Variants in CLSTN2 observed in about 807,000 individuals in gnomAD.
The protein encoded by CLSTN2 is calsyntenin-2.
Under a neutral mutation model 101.2 loss-of-function variants are expected in CLSTN2, and 48 were observed. The ratio of observed to expected loss-of-function variants is 0.47; its 90% confidence interval spans 0.38 to 0.60. The LOEUF (loss-of-function observed/expected upper bound fraction) is 0.60. Ranked by LOEUF, CLSTN2 falls within the 20% of genes least tolerant of loss-of-function variation. The pLI is 0.00. For synonymous variants in CLSTN2, 481 were observed against 463.6 expected (o/e 1.04, Z -0.48); for missense variants, 1,160 against 1,238.2 (o/e 0.94, Z 0.95).
chr3:140,008,460 G>A (rs2007003126), intron 1 of CLSTN2, among the ~76,000 whole-genome samples: 1 of 152,250 alleles, frequency 6.6e-6, no homozygotes, highest in African/African-American at 2.4e-5. Flanking sequence ...CCTGGTAGGT[G>A]AGACAAGCCC....
At chr3:139,942,603 C>T (rs1450876148) in intron 1 of CLSTN2, among the ~76,000 whole-genome samples, 1 of 152,140 alleles carries the variant, frequency 6.6e-6, no homozygotes, top group Non-Finnish European at 1.5e-5. Context: ...AGCAGATAAC[C>T]AGACTGTTGA....
chr3:140,018,991 A>G (rs560384724), intron 1 of CLSTN2, among the ~76,000 whole-genome samples: 5 of 152,072 alleles, frequency 3.3e-5, no homozygotes, highest in Non-Finnish European at 7.4e-5. Context: ...ATCTCTTCCC[A>G]TTGCTTCAAG....
chr3:140,302,338 A>G (rs1318799271), intron 2 of CLSTN2, among the ~76,000 whole-genome samples: 1 of 152,214 alleles, frequency 6.6e-6, no homozygotes, highest in Non-Finnish European at 1.5e-5. Context: ...TATGAACTAC[A>G]TAGTTGAATA....
At chr3:140,193,271 T>G (rs1456051573) in intron 2 of CLSTN2, among the ~76,000 whole-genome samples, 1 of 148,380 alleles carries the variant, frequency 6.7e-6, no homozygotes, top group Non-Finnish European at 1.5e-5. Flanking sequence ...GTTTTTTTTT[T>G]TTTTTTTTTT....
intron 2 of CLSTN2, among the ~76,000 whole-genome samples, chr3:140,291,116 G>A (rs2086947279): frequency 1.3e-5 from 2 of 151,942 alleles, no homozygotes; most frequent in South Asian, 2.1e-4. Flanking sequence ...CTTTAAAAGG[G>A]GGCTAATATT....
chr3:140,419,854 T>C (rs1288041728), intron 4 of CLSTN2, among the ~76,000 whole-genome samples: 1 of 105,730 alleles, frequency 9.5e-6, no homozygotes, highest in Non-Finnish European at 1.6e-5. Flanking sequence ...TGTATATATA[T>C]ATGTATATAT....
intron 1 of CLSTN2, among the ~76,000 whole-genome samples, chr3:139,948,453 A>T (rs1935245662): frequency 6.7e-6 from 1 of 150,368 alleles, no homozygotes; most frequent in Non-Finnish European, 1.5e-5. Flanking sequence ...TGACAGAGCG[A>T]CTCCATCTCA....
rs1368032533 is a variant in CLSTN2 at position 140,573,853 on chromosome 3, G to A, written c.*7600G>A. On this transcript the variant is annotated 3_prime_UTR_variant, in exon 17 of 17. Transcript: ENST00000458420. ...CCCTGTTTCTGGGGAACAGAAGGGA[G>A]CTGGTACCTCTGGACCATTGAGGCA... 2.6e-5 allele frequency: 4 copies of A among 152,284 alleles called. No individual in the cohort carries two copies. The highest frequency in any genetic ancestry group is 5.9e-5 in the Non-Finnish European group (4 of 68,118). The allele number at this position is 152,284 out of a possible 1,614,324, so 9.4% of individuals were successfully genotyped here.
chr3:139,963,676 T>C (rs2107815611), intron 1 of CLSTN2, among the ~76,000 whole-genome samples: 1 of 152,348 alleles, frequency 6.6e-6, no homozygotes, highest in East Asian at 1.9e-4. Context: ...TCTGTTCTAT[T>C]TGATAAGGCC....
chr3:140,190,763 C>T (rs2010555365), intron 2 of CLSTN2, among the ~76,000 whole-genome samples: 1 of 151,916 alleles, frequency 6.6e-6, no homozygotes. Flanking sequence ...GTGTATGGTG[C>T]TATGTTTTAT....
intron 9 of CLSTN2, among the ~76,000 whole-genome samples, chr3:140,543,376 A>G (rs903889787): frequency 1.3e-5 from 2 of 152,242 alleles, no homozygotes; most frequent in East Asian, 3.8e-4. Flanking sequence ...TAGCTTTCCC[A>G]TAGCCGTGGG....
intron 9 of CLSTN2, among the ~76,000 whole-genome samples, chr3:140,536,305 G>T (rs1184763226): frequency 6.6e-6 from 1 of 151,938 alleles, no homozygotes; most frequent in East Asian, 1.9e-4. Context: ...GGCATGTTTT[G>T]CTTGAATGAT....
Position 140,012,615 on chromosome 3 carries a change from T to C in CLSTN2, c.109+77132T>C, listed in dbSNP as rs1465934656. On this transcript the variant is annotated intron_variant, in intron 1 of 16. Coordinates refer to ENST00000458420, the MANE Select transcript of CLSTN2 (RefSeq NM_022131.3). Reference sequence around the variant, plus strand: ...CCAGACTCCCCAGTGGACTTCTCTTTCTAACTCATGGGCAGAACTGCATCT... The same window carrying C: ...CCAGACTCCCCAGTGGACTTCTCTTCCTAACTCATGGGCAGAACTGCATCT... 7.9e-5 allele frequency among the ~76,000 whole-genome samples: 12 copies of C among 152,264 alleles called. No homozygotes were observed. In the East Asian group the frequency reaches 2.3e-3, roughly 29 times the overall value.
In CLSTN2 at chr3:140,314,566, T is replaced by A. The variant is rs1443283617; in HGVS notation, c.233-89063T>A. On this transcript the variant is annotated intron_variant, in intron 2 of 16. Coordinates refer to ENST00000458420, the MANE Select transcript of CLSTN2 (RefSeq NM_022131.3). ...TCTGCCCCCATGATACCCTGAAGTA[T>A]CAGCCAGTGCTTTTTTTTTTCTTTA... is the stretch of plus-strand genomic sequence containing the variant. 1.3e-5 allele frequency among the ~76,000 whole-genome samples: 2 copies of A among 151,938 alleles called. 1 individual carries two copies.
chr3:140,182,071 G>A (rs1341805970), intron 2 of CLSTN2, among the ~76,000 whole-genome samples: 3 of 152,162 alleles, frequency 2.0e-5, no homozygotes, highest in Admixed American at 6.5e-5. Context: ...AGCTTGGGAA[G>A]TTCAAGACAT....
intron 1 of CLSTN2, among the ~76,000 whole-genome samples, chr3:140,029,025 G>A (rs1395030993): frequency 6.6e-6 from 1 of 152,188 alleles, no homozygotes; most frequent in African/African-American, 2.4e-5. Context: ...TGACTAGCAT[G>A]GAGTAGGTTA....
chr3:140,521,048 A>ATTTTTTTTTTTTTTTTTTTTTTTTGCT (rs57840726), intron 8 of CLSTN2, among the ~76,000 whole-genome samples: 1 of 125,492 alleles, frequency 8.0e-6, no homozygotes, highest in African/African-American at 2.9e-5. Flanking sequence ...GCTTTTTTGC[A>ATTTTTTTTTTTTTTTTTTTTTTTTGCT]TTTTTTTTTT....
chr3:140,031,668 T>C (rs567738174), intron 1 of CLSTN2, among the ~76,000 whole-genome samples: 1 of 152,180 alleles, frequency 6.6e-6, no homozygotes, highest in East Asian at 1.9e-4. Flanking sequence ...AGGTATTTCT[T>C]GAAAACAAGG....
chr3:140,042,336 C>T (rs2007777376), intron 1 of CLSTN2, among the ~76,000 whole-genome samples: 1 of 152,096 alleles, frequency 6.6e-6, no homozygotes, highest in African/African-American at 2.4e-5. Flanking sequence ...AAAATGTGGG[C>T]TTTTGTGTCT....
Sources: gnomAD v4.1 joint callset for allele counts (sites outside exome capture counted in the v4.1 genomes callset) on GRCh38, gnomAD v4.1.1 for gene constraint, MANE v1.5 for transcripts, NCBI Gene and HGNC (gene_info 2026-07-23, HGNC 2026-07-21) for gene names.